MAGEB1: variants seen among roughly 807,000 people sequenced by gnomAD.
MAGEB1 encodes the protein MAGE family member B1, also known as melanoma-associated antigen B1.
For synonymous variants in MAGEB1, 99 were observed against 105.7 expected, an observed-to-expected ratio of 0.94 and a Z score of 0.39; for missense variants, 290 against 286.7, an observed-to-expected ratio of 1.01 and a Z score of -0.08.
upstream of MAGEB1, among the ~76,000 whole-genome samples, chrX:30,246,909 C>G (rs1925324836): frequency 8.9e-6 from 1 of 112,462 alleles, no homozygotes; most frequent in South Asian, 3.7e-4. Context: ...CTGTGAGGCC[C>G]AGGCAGGGGT....
At chrX:30,244,915 C>T (rs971709985), upstream of MAGEB1, among the ~76,000 whole-genome samples, 26 of 111,942 alleles carry the variant, frequency 2.3e-4, no homozygotes, top group Non-Finnish European at 3.9e-4. Flanking sequence ...AGGTGATACT[C>T]CTTTAAGACT....
Position 30,251,671 on chromosome X carries a change from A to G in MAGEB1, c.*134A>G, listed in dbSNP as rs1277214195. ...TTCCTGTTAAACATTAGTATCTTTC[A>G]AGTGTTTTTCTTTTAATAGAATGTT... On this transcript the variant is annotated 3_prime_UTR_variant, in exon 2 of 2. Coordinates refer to ENST00000397548, the MANE Select transcript of MAGEB1 (RefSeq NM_177404.3). 1.9e-6 allele frequency: 1 copy of G among 532,907 alleles called. No homozygotes were observed. The highest frequency in any genetic ancestry group is 3.0e-6 in the Non-Finnish European group (1 of 334,422). The allele number at this position is 532,907 out of a possible 1,213,427, so 43.9% of individuals were successfully genotyped here.
chrX:30,249,530 T>G (rs945660425), intron 1 of MAGEB1, among the ~76,000 whole-genome samples: 3 of 111,458 alleles, frequency 2.7e-5, no homozygotes, highest in African/African-American at 9.8e-5. Flanking sequence ...GGGAGGCATT[T>G]TAGGCCCTCC....
intron 1 of MAGEB1, among the ~76,000 whole-genome samples, chrX:30,248,179 G>A (rs1022086951): frequency 6.3e-5 from 7 of 111,027 alleles, no homozygotes; most frequent in African/African-American, 2.3e-4. Context: ...ATACACGAGG[G>A]AGACAATTGC....
At chrX:30,246,504 C>T (rs1160576837), upstream of MAGEB1, 1 of 111,980 alleles carries the variant, frequency 8.9e-6, no homozygotes, top group East Asian at 2.8e-4. Flanking sequence ...CCTAGGAAGC[C>T]TTGGCGGAGA....
In MAGEB1 at chrX:30,251,825, GAAGA is replaced by G. The variant is rs1925543675; in HGVS notation, c.*292_*295del. 1.1e-5 allele frequency: 3 copies of G among 264,552 alleles called. No individual in the cohort carries two copies. Among genetic ancestry groups the G allele is most frequent in the Non-Finnish European group, 2.1e-5 (3 of 143,802 alleles). The allele number at this position is 264,552 out of a possible 1,213,427, so 21.8% of individuals were successfully genotyped here. On this transcript the variant is annotated 3_prime_UTR_variant, in exon 2 of 2. Transcript: ENST00000397548. ...CTTGAATCTTTTTTGGGTTGAAGAAGAAGAAAGCATAGCTTTAGAATAGAGATTT... is the reference window on the plus strand; with the variant it reads ...CTTGAATCTTTTTTGGGTTGAAGAAGAAGCATAGCTTTAGAATAGAGATTT...
At chrX:30,245,064 G>T (rs954111146), upstream of MAGEB1, among the ~76,000 whole-genome samples, 2 of 111,588 alleles carry the variant, frequency 1.8e-5, no homozygotes, top group African/African-American at 3.3e-5. Flanking sequence ...GTGGTAAAAT[G>T]AATGAAAATA....
upstream of MAGEB1, among the ~76,000 whole-genome samples, chrX:30,246,561 C>T (rs1179965245): frequency 9.0e-6 from 1 of 111,544 alleles, no homozygotes; most frequent in African/African-American, 3.3e-5. Flanking sequence ...ATGACTGGTT[C>T]CGTCTAATTG....
chrX:30,245,344 T>C (rs1336237764), upstream of MAGEB1, among the ~76,000 whole-genome samples: 2 of 112,342 alleles, frequency 1.8e-5, no homozygotes, highest in Non-Finnish European at 3.8e-5. Context: ...TAATAACAAG[T>C]ATTGTTTAAA....
In MAGEB1 at chrX:30,251,654, A is replaced by G; in HGVS notation, c.*117A>G. On this transcript the variant is annotated 3_prime_UTR_variant, in exon 2 of 2. Coordinates refer to ENST00000397548, the MANE Select transcript of MAGEB1 (RefSeq NM_177404.3). Reference sequence around the variant, plus strand: ...TATATATCTCCTTTGTGTTCCTGTTAAACATTAGTATCTTTCAAGTGTTTT... The same window carrying G: ...TATATATCTCCTTTGTGTTCCTGTTGAACATTAGTATCTTTCAAGTGTTTT... 1.7e-6 allele frequency: 1 copy of G among 584,447 alleles called. No individual in the cohort carries two copies. The highest frequency in any genetic ancestry group is 2.7e-6 in the Non-Finnish European group (1 of 370,787). The allele number at this position is 584,447 out of a possible 1,213,427, so 48.2% of individuals were successfully genotyped here. A position where few individuals can be genotyped will look rare whatever the true frequency, so the allele number is the denominator to read the frequency against.
In MAGEB1 at chrX:30,250,777, A is replaced by G; in HGVS notation, c.284A>G (p.Gln95Arg). ...GGTGAGGAAAATGCAAGTTTCTCCCAGGCCACAACATCCACTGAGAGCTCA... is the reference window on the plus strand; with the variant it reads ...GGTGAGGAAAATGCAAGTTTCTCCCGGGCCACAACATCCACTGAGAGCTCA... ...CQGEENASFS[Q>R]ATTSTESSVK... The change falls in exon 2 of 2, where the codon CAG becomes CGG. Residue 95 changes from glutamine (Q) to arginine (R), a missense_variant. Physicochemically the swap from Gln to Arg is conservative, Grantham distance 43 (BLOSUM62 1). Transcript: ENST00000397548. 1.7e-6 allele frequency: 2 copies of G among 1,211,790 alleles called. No individual in the cohort carries two copies. Among genetic ancestry groups the G allele is most frequent in the Non-Finnish European group, 2.2e-6 (2 of 895,350 alleles).
At chrX:30,244,507 A>G (rs1332859676), upstream of MAGEB1, among the ~76,000 whole-genome samples, 1 of 112,207 alleles carries the variant, frequency 8.9e-6, no homozygotes, top group Non-Finnish European at 1.9e-5. Context: ...GATACTCCTT[A>G]AGACCTAAAG....
At position 30,251,719 on chromosome X, in the gene MAGEB1, C is replaced by G. The variant is rs935708411; in HGVS notation, c.*182C>G. 7.1e-6 allele frequency: 3 copies of G among 420,231 alleles called. No homozygotes were observed. The highest frequency in any genetic ancestry group is 1.2e-5 in the Non-Finnish European group (3 of 242,889). 34.6% of individuals were successfully genotyped at this position (420,231 alleles called of 1,213,427 possible). A position where few individuals can be genotyped will look rare whatever the true frequency, so the allele number is the denominator to read the frequency against. On this transcript the variant is annotated 3_prime_UTR_variant, in exon 2 of 2. Coordinates refer to ENST00000397548, the MANE Select transcript of MAGEB1 (RefSeq NM_177404.3). ...GTTTATTTAGAGTTGGGATCTATGT[C>G]TATGAGCGACATGGATCACACATTT... is the stretch of plus-strand genomic sequence containing the variant.
chrX:30,251,530 C>G lies in MAGEB1; in HGVS notation c.1037C>G (p.Pro346Arg). ...SRAPFSRSSH[P>R]M ...GCCCCATTCAGCAGGTCCTCCCACC[C>G]CATGTGAGAACTCAGGCAGATTGTT... is the stretch of plus-strand genomic sequence containing the variant. The change falls in exon 2 of 2, where the codon CCC becomes CGC. Residue 346 changes from proline (P) to arginine (R), a missense_variant. Transcript: ENST00000397548. 1.7e-6 allele frequency: 2 copies of G among 1,199,404 alleles called. No homozygotes were observed. Among genetic ancestry groups the G allele is most frequent in the Non-Finnish European group, 2.2e-6 (2 of 889,049 alleles).
intron 1 of MAGEB1, among the ~76,000 whole-genome samples, chrX:30,248,776 A>C: frequency 8.9e-6 from 1 of 112,044 alleles, no homozygotes; most frequent in Non-Finnish European, 1.9e-5. Context: ...TCCAGGAGTC[A>C]AAAAGAAGAC....
intron 1 of MAGEB1, 52 bp from the exon 2 acceptor site, chrX:30,250,382 G>C: frequency 1.5e-6 from 1 of 654,162 alleles, no homozygotes. Context: ...AAAAGCCAAG[G>C]TGGTACCTCC....
Position 30,251,589 on chromosome X carries a change from G to A in MAGEB1, c.*52G>A. On this transcript the variant is annotated 3_prime_UTR_variant, in exon 2 of 2. Transcript: ENST00000397548. The stretch of plus-strand genomic sequence containing the variant: ...TTTTGTGGCAAGATGCCAACCTTTT[G>A]AAGTAGTGAGCAGCCAAGATATGGC... 9.5e-7 allele frequency: 1 copy of A among 1,052,383 alleles called. No individual in the cohort carries two copies. The highest frequency in any genetic ancestry group is 1.3e-6 in the Non-Finnish European group (1 of 768,509). 86.7% of individuals were successfully genotyped at this position (1,052,383 alleles called of 1,213,427 possible).
chrX:30,248,657 T>TGGTG (rs1487406797), intron 1 of MAGEB1, among the ~76,000 whole-genome samples: 7 of 110,997 alleles, frequency 6.3e-5, no homozygotes, highest in Non-Finnish European at 9.5e-5. Context: ...GATCCAGGTA[T>TGGTG]GGTGACATGA....
chrX:30,251,837 G>C lies in MAGEB1; in HGVS notation c.*300G>C, dbSNP rs1316159268. ...TTGGGTTGAAGAAGAAGAAAGCATA[G>C]CTTTAGAATAGAGATTTTCTCAGAA... On this transcript the variant is annotated 3_prime_UTR_variant, in exon 2 of 2. Transcript: ENST00000397548. The C allele has an allele frequency of 8.4e-6, 2 of 237,864 alleles. No individual in the cohort carries two copies. The highest frequency in any genetic ancestry group is 2.9e-5 in the African/African-American group (1 of 34,816). The allele number at this position is 237,864 out of a possible 1,213,427, so 19.6% of individuals were successfully genotyped here.
Sources: allele counts gnomAD v4.1 joint callset (sites outside exome capture counted in the v4.1 genomes callset), GRCh38; gene constraint gnomAD v4.1.1; transcripts MANE v1.5; gene names NCBI Gene and HGNC (gene_info 2026-07-23, HGNC 2026-07-21).